Variants in TULP4 observed in about 807,000 individuals in gnomAD.
TULP4 encodes the protein TUB like protein 4.
TULP4 carries 16 observed loss-of-function variants against 129.0 expected under a neutral mutation model. The ratio of observed to expected loss-of-function variants is 0.12; its 90% CI spans 0.08 to 0.19. The LOEUF (loss-of-function observed/expected upper bound fraction) is 0.19. Among genes scored for constraint, TULP4 ranks in the 10% least tolerant of loss-of-function variants. The probability of loss-of-function intolerance (pLI) is 1.00; values close to 1 mark genes in which losing one functional copy is unlikely to be tolerated. For missense variants in TULP4, 1,842 were observed against 2,059.1 expected, an observed-to-expected ratio of 0.89 and a Z score of 2.04; for synonymous variants, 998 against 854.0, an observed-to-expected ratio of 1.17 and a Z score of -2.94.
At chr6:158,486,242 A>C (rs1445399368) in intron 8 of TULP4, among the ~76,000 whole-genome samples, 1 of 152,074 alleles carries the variant, frequency 6.6e-6, no homozygotes, top group African/African-American at 2.4e-5. Flanking sequence ...ATGAGATCTT[A>C]AGGGAGGTCC....
chr6:158,347,640 C>A (rs1780343115), intron 1 of TULP4, among the ~76,000 whole-genome samples: 1 of 152,200 alleles, frequency 6.6e-6, no homozygotes, highest in Admixed American at 6.5e-5. Flanking sequence ...GTAAAGTCTT[C>A]CTGCCTGCTG....
intron 1 of TULP4, among the ~76,000 whole-genome samples, chr6:158,301,836 G>C (rs1009548132): frequency 2.0e-5 from 3 of 151,776 alleles, no homozygotes; most frequent in African/African-American, 7.3e-5. Flanking sequence ...ACACAGCATA[G>C]AAAACAAGTT....
At chr6:158,490,133 C>T (rs1197094601) in intron 9 of TULP4, among the ~76,000 whole-genome samples, 1 of 152,224 alleles carries the variant, frequency 6.6e-6, no homozygotes, top group African/African-American at 2.4e-5. Flanking sequence ...CACAGTGGCT[C>T]ACGCCTGTAA....
intron 1 of TULP4, among the ~76,000 whole-genome samples, chr6:158,344,688 G>T (rs1780262081): frequency 6.6e-6 from 1 of 152,116 alleles, no homozygotes; most frequent in African/African-American, 2.4e-5. Flanking sequence ...TTCTCCTTGA[G>T]CCTCGCTGTT....
chr6:158,503,349 C>T lies in TULP4; in HGVS notation c.3686C>T (p.Pro1229Leu), dbSNP rs1390628532. 14 of 1,613,708 alleles carry T rather than the reference C, an allele frequency of 8.7e-6. No homozygotes were observed. Among genetic ancestry groups the T allele is most frequent in the Middle Eastern group, 1.6e-4 (1 of 6,062 alleles). The change falls in exon 13 of 14, where the codon CCG becomes CTG. Residue 1229 changes from proline to leucine, a missense_variant. By Grantham distance (98) the Pro-to-Leu change is moderately conservative. Around this residue, in one of 5 missense-constraint regions of TULP4, gnomAD observed 1,089 missense variants for 987.1 expected, o/e 1.10. Coordinates refer to ENST00000367097, the MANE Select transcript of TULP4 (RefSeq NM_020245.5). The surrounding 1 kb of genome is among the most constrained non-coding windows in gnomAD (Gnocchi z 4.3). ...AQQEPAVVLQPLYPPSLSYCT... is the reference protein window; with the variant it reads ...AQQEPAVVLQLLYPPSLSYCT... ...CAGGAGCCTGCTGTGGTCCTTCAGC[C>T]GCTGTACCCACCCAGCCTCTCCTAT...
intron 1 of TULP4, among the ~76,000 whole-genome samples, chr6:158,325,355 C>CTT (rs10630413): frequency 0.85 from 118,172 of 139,380 alleles, 50,596 homozygotes; most frequent in South Asian, 0.92. Context: ...AACAGCTTTT[C>CTT]TTTTTTTTTT....
At chr6:158,339,015 T>C (rs1188126505) in intron 1 of TULP4, among the ~76,000 whole-genome samples, 2 of 152,168 alleles carry the variant, frequency 1.3e-5, no homozygotes, top group African/African-American at 4.8e-5. Context: ...GAAAAAGTCT[T>C]GCACTTGGGA....
chr6:158,485,341 CA>C (rs1204437079), intron 8 of TULP4, among the ~76,000 whole-genome samples: 1 of 152,014 alleles, frequency 6.6e-6, no homozygotes, highest in Non-Finnish European at 1.5e-5. Context: ...ATTCATATTG[CA>C]AAAAATAAGT....
At chr6:158,488,983 C>T (rs1439668013) in intron 8 of TULP4, among the ~76,000 whole-genome samples, 1 of 152,200 alleles carries the variant, frequency 6.6e-6, no homozygotes, top group East Asian at 1.9e-4. Context: ...AACCCAGAGC[C>T]ATCCTGGGAG....
At chr6:158,358,653 GT>G (rs1422206531) in intron 1 of TULP4, among the ~76,000 whole-genome samples, 1 of 152,236 alleles carries the variant, frequency 6.6e-6, no homozygotes, top group Non-Finnish European at 1.5e-5. Flanking sequence ...ATGAGAAACG[GT>G]TCTGCACTCA....
chr6:158,376,696 C>T (rs1777199679), intron 1 of TULP4, among the ~76,000 whole-genome samples: 1 of 152,230 alleles, frequency 6.6e-6, no homozygotes, highest in African/African-American at 2.4e-5. Flanking sequence ...GGGCTGCCTG[C>T]ATGCTTTCTC....
intron 1 of TULP4, among the ~76,000 whole-genome samples, chr6:158,350,882 T>C (rs923758315): frequency 6.6e-6 from 1 of 151,760 alleles, no homozygotes; most frequent in Non-Finnish European, 1.5e-5. Flanking sequence ...TGCCTCAGAC[T>C]CCTTGGTGGC....
chr6:158,409,981 G>T (rs372158678), intron 1 of TULP4, among the ~76,000 whole-genome samples: 2 of 152,032 alleles, frequency 1.3e-5, no homozygotes, highest in South Asian at 4.2e-4. Flanking sequence ...TCAGCCTCCC[G>T]AGTAGCTGGG....
At chr6:158,237,495 C>CA (rs1777736446) in intron 1 of TULP4, 1 of 1,546,488 alleles carries the variant, frequency 6.5e-7, no homozygotes, top group Non-Finnish European at 8.9e-7. Flanking sequence ...GTGGGCTACT[C>CA]ACAGTTTTTC....
At chr6:158,241,090 G>A (rs1195656578) in intron 1 of TULP4, among the ~76,000 whole-genome samples, 4 of 132,958 alleles carry the variant, frequency 3.0e-5, no homozygotes, top group Non-Finnish European at 5.0e-5. Flanking sequence ...GGGCAGAGGC[G>A]CTCCTCACGT....
intron 2 of TULP4, among the ~76,000 whole-genome samples, chr6:158,422,410 A>T (rs957849233): frequency 4.6e-5 from 7 of 152,246 alleles, no homozygotes; most frequent in African/African-American, 1.4e-4. Flanking sequence ...TGTATTTTTT[A>T]AAAAGAAAAC....
chr6:158,308,060 G>C (rs1457070180), upstream of TULP4, among the ~76,000 whole-genome samples: 2 of 146,360 alleles, frequency 1.4e-5, no homozygotes, highest in African/African-American at 5.1e-5. Flanking sequence ...GGGGGATTTG[G>C]CAGGGTCATG....
intron 8 of TULP4, among the ~76,000 whole-genome samples, chr6:158,486,212 C>A (rs886356157): frequency 1.3e-5 from 2 of 151,968 alleles, no homozygotes; most frequent in Non-Finnish European, 2.9e-5. Flanking sequence ...TTAGGACTTA[C>A]AGGGGGGAGT....
At chr6:158,484,655 G>T (rs745897340) in intron 8 of TULP4, among the ~76,000 whole-genome samples, 2 of 152,220 alleles carry the variant, frequency 1.3e-5, no homozygotes, top group South Asian at 4.1e-4. Context: ...CTCTCACCAC[G>T]CACGTGCACC....
Sources: allele counts gnomAD v4.1 joint callset (sites outside exome capture counted in the v4.1 genomes callset), GRCh38; gene constraint gnomAD v4.1.1; regional missense constraint gnomAD v4.1.1; non-coding constraint Gnocchi (gnomAD v3.1); transcripts MANE v1.5; gene names NCBI Gene and HGNC (gene_info 2026-07-23, HGNC 2026-07-21).